The following HS1BP3 variants were observed in gnomAD, a reference collection of about 807,000 sequenced individuals.
The protein encoded by HS1BP3 is HCLS1 binding protein 3.
Under a neutral mutation model 33.5 loss-of-function variants are expected in HS1BP3, and 32 were observed. The ratio of observed to expected loss-of-function variants is 0.95; its 90% CI spans 0.72 to 1.28. The LOEUF (loss-of-function observed/expected upper bound fraction) is 1.28. Among genes scored for constraint, HS1BP3 ranks in the 50% most tolerant of loss-of-function variants. The pLI, the probability that HS1BP3 is intolerant of heterozygous loss-of-function variation, is 0.00. For synonymous variants in HS1BP3, 187 were observed against 209.2 expected (o/e 0.89, Z 0.92); for missense variants, 486 against 502.3 (o/e 0.97, Z 0.31).
At chr2:20,646,125 G>C (rs1296115396) in intron 1 of HS1BP3, among the ~76,000 whole-genome samples, 3 of 152,224 alleles carry the variant, frequency 2.0e-5, no homozygotes, top group African/African-American at 7.2e-5. Context: ...AATGCAATTC[G>C]AATATAATGA....
intron 4 of HS1BP3, among the ~76,000 whole-genome samples, chr2:20,634,013 C>T (rs1022323009): frequency 2.6e-5 from 4 of 152,204 alleles, no homozygotes; most frequent in African/African-American, 7.2e-5. Context: ...AGGGTGAGGT[C>T]GGGCCCAGCC....
intron 5 of HS1BP3, among the ~76,000 whole-genome samples, chr2:20,566,362 G>A (rs188799165): frequency 5.3e-5 from 8 of 152,200 alleles, no homozygotes; most frequent in African/African-American, 1.2e-4. Flanking sequence ...ATGTGGGTCC[G>A]GGTGGGGTGA....
At chr2:20,646,568 A>C (rs934605) in intron 1 of HS1BP3, among the ~76,000 whole-genome samples, 151,535 of 152,382 alleles carry the variant, frequency 0.99, 75,351 homozygotes, top group Non-Finnish European at 1. Context: ...CCAATGACTG[A>C]GTGCTGTACA....
intron 5 of HS1BP3, among the ~76,000 whole-genome samples, chr2:20,581,712 CCT>C (rs1209682851): frequency 3.9e-5 from 6 of 152,214 alleles, no homozygotes; most frequent in African/African-American, 1.4e-4. Flanking sequence ...CTACCTGGAT[CCT>C]CTGCTCAGGG....
Position 20,645,484 on chromosome 2 carries a change from A to C in HS1BP3, c.54T>G (p.Thr18=). ...GCTGGGGCACAGTCAGGTCGAGGCC[A>C]GTGTGGGCATTCTGAAGTCGCCTGC... ...VTSRRLQNAH[T]GLDLTVPQHQ... Residue 18 remains threonine, a synonymous_variant, in exon 2 of 7, where the codon ACT becomes ACG. Transcript: ENST00000304031. 1 of 1,613,002 alleles carries C rather than the reference A, an allele frequency of 6.2e-7. No individual in the cohort carries two copies. Among genetic ancestry groups the C allele is most frequent in the East Asian group, 2.2e-5 (1 of 44,830 alleles).
At chr2:20,554,937 C>T in the HS1BP3 span, among the ~76,000 whole-genome samples, 5 of 152,314 alleles carry the variant, frequency 3.3e-5, no homozygotes, top group African/African-American at 7.2e-5. Flanking sequence ...CTAGCCCCAC[C>T]GTGGCCACCT....
At chr2:20,612,471 T>A (rs11096680) in intron 2 of HS1BP3, among the ~76,000 whole-genome samples, 44,995 of 152,134 alleles carry the variant, frequency 0.3, 7,191 homozygotes, top group East Asian at 0.58. Flanking sequence ...CCTTTTGCAG[T>A]CACTGTTAGT....
At chr2:20,554,698 C>A in the HS1BP3 span, among the ~76,000 whole-genome samples, 1 of 141,190 alleles carries the variant, frequency 7.1e-6, no homozygotes, top group East Asian at 2.1e-4. Flanking sequence ...GAGTGAAACT[C>A]CACCTCACAA....
At chr2:20,638,296 C>T in intron 4 of HS1BP3, 140 bp downstream of exon 4, 2 of 748,852 alleles carry the variant, frequency 2.7e-6, no homozygotes, top group Non-Finnish European at 4.4e-6. Flanking sequence ...ACACACCAGG[C>T]CAAGGCCTCG....
chr2:20,638,022 A>T (rs1293267760), intron 4 of HS1BP3: 1 of 306,794 alleles, frequency 3.3e-6, no homozygotes, highest in Admixed American at 4.5e-5. Flanking sequence ...GGCCAAGGTG[A>T]ATGCTCCTGC....
chr2:20,581,723 G>A (rs112848424), intron 5 of HS1BP3, among the ~76,000 whole-genome samples: 9,290 of 152,262 alleles, frequency 0.061, 273 homozygotes, highest in South Asian at 0.083. Flanking sequence ...CTCTGCTCAG[G>A]GTCTCACAAG....
chr2:20,597,558 A>G (rs1265926791), intron 3 of HS1BP3, among the ~76,000 whole-genome samples: 1 of 152,152 alleles, frequency 6.6e-6, no homozygotes, highest in African/African-American at 2.4e-5. Flanking sequence ...ACAGAACATT[A>G]GAGTACCTCT....
the HS1BP3 span, among the ~76,000 whole-genome samples, chr2:20,553,910 G>A: frequency 6.6e-6 from 1 of 152,222 alleles, no homozygotes; most frequent in Non-Finnish European, 1.5e-5. Context: ...CTGATGTGCT[G>A]TGGTTTTGAG....
chr2:20,629,734 C>T (rs1219484678), intron 4 of HS1BP3, among the ~76,000 whole-genome samples: 8 of 152,242 alleles, frequency 5.3e-5, no homozygotes, highest in Non-Finnish European at 1.2e-4. Context: ...TGGACAGACA[C>T]CCGCTTTCCT....
chr2:20,569,542 T>A (rs547496206), intron 5 of HS1BP3, among the ~76,000 whole-genome samples: 50 of 152,214 alleles, frequency 3.3e-4, no homozygotes, highest in Non-Finnish European at 6.3e-4. Flanking sequence ...ATTTGAAACA[T>A]ACTCAGGCTA....
downstream of HS1BP3, among the ~76,000 whole-genome samples, chr2:20,616,419 C>A (rs542927677): frequency 1.3e-5 from 2 of 152,214 alleles, no homozygotes; most frequent in Admixed American, 1.3e-4. Context: ...AGAACCTGAG[C>A]CCTGAAGGCC....
At chr2:20,632,547 C>T (rs1695000435) in intron 4 of HS1BP3, among the ~76,000 whole-genome samples, 1 of 152,252 alleles carries the variant, frequency 6.6e-6, no homozygotes, top group African/African-American at 2.4e-5. Context: ...TGGGAAGGTT[C>T]CTCAGTCGTA....
At chr2:20,610,786 T>C (rs1451289064) in intron 2 of HS1BP3, among the ~76,000 whole-genome samples, 1 of 152,254 alleles carries the variant, frequency 6.6e-6, no homozygotes, top group Non-Finnish European at 1.5e-5. Context: ...TGTTCAGTTT[T>C]GTACTGTGGT....
chr2:20,575,252 G>C lies in HS1BP3; in HGVS notation c.303-14737C>G, dbSNP rs149260441. ...CTGAGCTCTAGGCCTCGTTCCAAGG[G>C]TGAGGAGCCTGGTGGGACATTTACC... On this transcript the variant is annotated intron_variant, in intron 5 of 5. Coordinates refer to the HS1BP3 transcript ENST00000446825. 6.6e-3 allele frequency among the ~76,000 whole-genome samples: 1,007 copies of C among 152,322 alleles called. 8 individuals are homozygous for C. Among genetic ancestry groups the C allele is most frequent in the Non-Finnish European group, 8.9e-3 (605 of 68,036 alleles).
Sources: allele counts gnomAD v4.1 joint callset (sites outside exome capture counted in the v4.1 genomes callset), GRCh38; gene constraint gnomAD v4.1.1; transcripts MANE v1.5; gene names NCBI Gene and HGNC (gene_info 2026-07-23, HGNC 2026-07-21).